KIZ: variants seen among roughly 807,000 people sequenced by gnomAD.
KIZ encodes centrosomal protein kizuna.
KIZ carries 68 observed loss-of-function variants against 79.6 expected under a neutral mutation model. The observed-to-expected ratio is 0.85, with a 90% CI of 0.70 to 1.05. The LOEUF (loss-of-function observed/expected upper bound fraction) is 1.05. Ranked by LOEUF, KIZ falls within the 50% of genes least tolerant of loss-of-function variation. KIZ has a pLI of 0.00. For missense variants in KIZ, 797 were observed against 800.4 expected, an observed-to-expected ratio of 1.00 and a Z score of 0.05; for synonymous variants, 280 against 281.8, an observed-to-expected ratio of 0.99 and a Z score of 0.06.
intron 7 of KIZ, among the ~76,000 whole-genome samples, chr20:21,210,265 G>A (rs747888733): frequency 3.3e-5 from 5 of 152,000 alleles, no homozygotes; most frequent in East Asian, 1.9e-4. Flanking sequence ...CTTCGATCGC[G>A]CCACTGCACT....
In KIZ at chr20:21,205,542, T is replaced by G; in HGVS notation, c.1404T>G (p.His468Gln). Residue 468 changes from histidine to glutamine, a missense_variant, in exon 7 of 13, where the codon CAT (histidine) becomes CAG (glutamine). Transcript: ENST00000619189. ...SDVPRAQVGQ[H>Q]VATLKEHDNS... ...TACCGAGGGCACAGGTGGGTCAGCA[T>G]GTTGCCACCTTGAAAGAACATGATA... 6.4e-6 allele frequency: 10 copies of G among 1,570,190 alleles called. No homozygotes were observed. Among genetic ancestry groups the G allele is most frequent in the Non-Finnish European group, 8.7e-6 (10 of 1,150,996 alleles).
intron 6 of KIZ, among the ~76,000 whole-genome samples, chr20:21,169,290 AAAG>A (rs1338876759): frequency 1.3e-5 from 2 of 152,152 alleles, no homozygotes; most frequent in African/African-American, 4.8e-5. Context: ...ACACTTCTCA[AAAG>A]AAGACATTTA....
intron 4 of KIZ, among the ~76,000 whole-genome samples, chr20:21,158,907 CCTCAGTCT>C: frequency 6.6e-6 from 1 of 152,206 alleles, no homozygotes; most frequent in Middle Eastern, 3.4e-3. Context: ...AGTTCTCCTG[CCTCAGTCT>C]CTAAGTAGCT....
At chr20:21,240,441 C>T (rs755567463) in intron 11 of KIZ, among the ~76,000 whole-genome samples, 2 of 152,190 alleles carry the variant, frequency 1.3e-5, no homozygotes, top group Non-Finnish European at 2.9e-5. Flanking sequence ...ATGAGACCGG[C>T]GGAACATGGT....
At chr20:21,217,815 G>A (rs928366063) in intron 9 of KIZ, among the ~76,000 whole-genome samples, 1 of 152,160 alleles carries the variant, frequency 6.6e-6, no homozygotes, top group Non-Finnish European at 1.5e-5. Context: ...TCTTCTGTGT[G>A]GGCCCCCACA....
intron 9 of KIZ, among the ~76,000 whole-genome samples, chr20:21,222,803 G>T (rs1481165712): frequency 1.3e-5 from 2 of 152,070 alleles, no homozygotes; most frequent in Non-Finnish European, 2.9e-5. Flanking sequence ...TGGATTTAGG[G>T]GCCACTGTAA....
chr20:21,219,184 T>TTATTG (rs2036415250), intron 9 of KIZ, among the ~76,000 whole-genome samples: 1 of 152,098 alleles, frequency 6.6e-6, no homozygotes, highest in African/African-American at 2.4e-5. Flanking sequence ...ATATACCAGG[T>TTATTG]AGAATATTTA....
At chr20:21,172,016 T>C (rs2034228289) in intron 6 of KIZ, among the ~76,000 whole-genome samples, 1 of 152,190 alleles carries the variant, frequency 6.6e-6, no homozygotes, top group Non-Finnish European at 1.5e-5. Flanking sequence ...TAAATATCAC[T>C]AAATGCCCTC....
intron 6 of KIZ, 71 bp downstream of exon 6, chr20:21,163,230 G>GT: frequency 2.9e-6 from 3 of 1,039,210 alleles, no homozygotes; most frequent in African/African-American, 1.6e-5. Flanking sequence ...CCATTCCACT[G>GT]GGAATGTATT....
intron 3 of KIZ, among the ~76,000 whole-genome samples, chr20:21,138,045 T>TA (rs1305496040): frequency 6.6e-6 from 1 of 150,602 alleles, no homozygotes; most frequent in Non-Finnish European, 1.5e-5. Flanking sequence ...GTGCTGGAAT[T>TA]ATGGGTTTGA....
intron 6 of KIZ, among the ~76,000 whole-genome samples, chr20:21,180,048 G>A (rs1438784095): frequency 6.6e-6 from 1 of 152,146 alleles, no homozygotes; most frequent in East Asian, 1.9e-4. Flanking sequence ...GGAGTGTTCT[G>A]TATATGTTTG....
chr20:21,225,025 T>C (rs2123395119), intron 9 of KIZ, among the ~76,000 whole-genome samples: 1 of 152,304 alleles, frequency 6.6e-6, no homozygotes, highest in East Asian at 1.9e-4. Flanking sequence ...TTCAGCACTT[T>C]GCAGAAAGAT....
At chr20:21,139,965 T>A (rs763945743) in intron 3 of KIZ, among the ~76,000 whole-genome samples, 4 of 152,200 alleles carry the variant, frequency 2.6e-5, no homozygotes, top group Non-Finnish European at 5.9e-5. Flanking sequence ...GAACTGGACT[T>A]TGGCCATCAC....
chr20:21,201,018 A>G (rs1345051359), intron 6 of KIZ, among the ~76,000 whole-genome samples: 1 of 151,932 alleles, frequency 6.6e-6, no homozygotes, highest in Admixed American at 6.6e-5. Flanking sequence ...CATCTCTACA[A>G]AAAAATACAA....
At chr20:21,246,329 G>T in intron 12 of KIZ, 150 bp from the exon 13 acceptor site, 1 of 638,470 alleles carries the variant, frequency 1.6e-6, no homozygotes, top group Non-Finnish European at 2.8e-6. Flanking sequence ...ATGCATTTGG[G>T]TGTGTCTGGT....
intron 6 of KIZ, among the ~76,000 whole-genome samples, chr20:21,190,342 A>C (rs2035057956): frequency 6.6e-6 from 1 of 152,248 alleles, no homozygotes; most frequent in Non-Finnish European, 1.5e-5. Flanking sequence ...CCCGGAATTC[A>C]GTTCTCAATA....
At chr20:21,146,528 T>C (rs1196740873) in intron 4 of KIZ, among the ~76,000 whole-genome samples, 1 of 152,230 alleles carries the variant, frequency 6.6e-6, no homozygotes, top group Non-Finnish European at 1.5e-5. Flanking sequence ...CAACTGCTAC[T>C]TTACTAAAAG....
At chr20:21,223,878 A>G (rs919994306) in intron 9 of KIZ, among the ~76,000 whole-genome samples, 2 of 152,188 alleles carry the variant, frequency 1.3e-5, no homozygotes, top group African/African-American at 4.8e-5. Context: ...GGGTTTCACC[A>G]TGTTGGTCAG....
intron 7 of KIZ, among the ~76,000 whole-genome samples, chr20:21,208,593 C>T (rs2035938009): frequency 6.6e-6 from 1 of 151,888 alleles, no homozygotes; most frequent in African/African-American, 2.4e-5. Flanking sequence ...GTCCCAGCTA[C>T]TTAGGAGGCT....
Sources: gnomAD v4.1 joint callset for allele counts (sites outside exome capture counted in the v4.1 genomes callset) on GRCh38, gnomAD v4.1.1 for gene constraint, MANE v1.5 for transcripts, NCBI Gene and HGNC (gene_info 2026-07-23, HGNC 2026-07-21) for gene names.